CACNB2: variants seen among roughly 807,000 people sequenced by gnomAD.
CACNB2 encodes the protein voltage-dependent L-type calcium channel subunit beta-2.
A neutral mutation model predicts 73.3 loss-of-function variants in CACNB2; 42 were observed. The ratio of observed to expected loss-of-function variants is 0.57; its 90% CI spans 0.45 to 0.74. CACNB2 has a LOEUF of 0.74. CACNB2 is among the 30% of genes least tolerant of loss of function. The probability of loss-of-function intolerance (pLI) is 0.00; values close to 1 mark genes in which losing one functional copy is unlikely to be tolerated. For synonymous variants in CACNB2, 348 were observed against 310.3 expected, an observed-to-expected ratio of 1.12 and a Z score of -1.28; for missense variants, 940 against 853.0, an observed-to-expected ratio of 1.10 and a Z score of -1.27.
intron 2 of CACNB2, among the ~76,000 whole-genome samples, chr10:18,327,559 G>GGATTA (rs1326775933): frequency 6.6e-6 from 1 of 152,056 alleles, no homozygotes; most frequent in Admixed American, 6.6e-5. Context: ...TGAGTAGGTG[G>GGATTA]GATTACAGGC....
chr10:18,342,147 A>G (rs889932286), intron 2 of CACNB2, among the ~76,000 whole-genome samples: 7 of 152,198 alleles, frequency 4.6e-5, no homozygotes, highest in African/African-American at 1.7e-4. Flanking sequence ...TTTTAAGAAT[A>G]TTATCAAACA....
intron 2 of CACNB2, among the ~76,000 whole-genome samples, chr10:18,276,194 G>A (rs2131671538): frequency 6.6e-6 from 1 of 152,266 alleles, no homozygotes; most frequent in East Asian, 1.9e-4. Context: ...ACAATTTCAC[G>A]ATAAATTAAA....
intron 2 of CACNB2, among the ~76,000 whole-genome samples, chr10:18,265,562 A>G (rs1305456236): frequency 6.6e-6 from 1 of 152,230 alleles, no homozygotes; most frequent in Admixed American, 6.5e-5. Flanking sequence ...GATTAGCATA[A>G]CAAAATCATT....
chr10:18,519,024 C>T (rs1589648428), intron 9 of CACNB2, 56 bp downstream of exon 9: 1 of 1,460,556 alleles, frequency 6.8e-7, no homozygotes, highest in East Asian at 2.3e-5. Context: ...TGGCAAAACG[C>T]TGGTGGGACA....
intron 2 of CACNB2, among the ~76,000 whole-genome samples, chr10:18,321,475 A>T (rs1305567718): frequency 6.6e-6 from 1 of 152,194 alleles, no homozygotes; most frequent in African/African-American, 2.4e-5. Flanking sequence ...TTGACAGCAC[A>T]ATAGGGTGAC....
intron 2 of CACNB2, among the ~76,000 whole-genome samples, chr10:18,154,911 C>T (rs1472858846): frequency 6.6e-6 from 1 of 152,210 alleles, no homozygotes; most frequent in Admixed American, 6.5e-5. Flanking sequence ...ACACCTTGAC[C>T]TTGGGCTTTT....
In CACNB2 at chr10:18,217,469, G is replaced by A. The variant is rs139217589; in HGVS notation, c.213+66494G>A. On this transcript the variant is annotated intron_variant, in intron 2 of 13. Transcript: ENST00000324631. The stretch of plus-strand genomic sequence containing the variant: ...GCTGTACTCCAGCCTGGGCGACAGA[G>A]TGAGACTCCATCTCAAAATAAAGAA... 4.0e-3 allele frequency among the ~76,000 whole-genome samples: 610 copies of A among 152,152 alleles called. 4 individuals are homozygous for A. The highest frequency in any genetic ancestry group is 0.014 in the African/African-American group (588 of 41,510).
intron 2 of CACNB2, among the ~76,000 whole-genome samples, chr10:18,394,602 G>T (rs575676170): frequency 2.6e-5 from 4 of 152,080 alleles, no homozygotes; most frequent in Non-Finnish European, 5.9e-5. Context: ...CTTGCATTTG[G>T]CTATGCAATG....
chr10:18,461,717 C>T lies in CACNB2; in HGVS notation c.334-36638C>T, dbSNP rs143112293. Among the ~76,000 whole-genome samples the T allele has an allele frequency of 2.8e-3, 429 of 151,850 alleles. 1 individual carries two copies. The highest frequency in any genetic ancestry group is 4.7e-3 in the Non-Finnish European group (319 of 67,946). ...TGCCACCCACTCACCCACTGCTCAC[C>T]GCCCCCAGCTGTGCAGGAGACCCCT... On this transcript the variant is annotated intron_variant, in intron 3 of 13. Transcript: ENST00000324631.
intron 2 of CACNB2, among the ~76,000 whole-genome samples, chr10:18,264,111 A>G (rs142713660): frequency 2.3e-4 from 35 of 152,340 alleles, no homozygotes; most frequent in Non-Finnish European, 4.1e-4. Context: ...ACACTTCTCA[A>G]GTATTGACAT....
intron 2 of CACNB2, among the ~76,000 whole-genome samples, chr10:18,374,517 C>A (rs7085825): frequency 0.25 from 37,622 of 152,100 alleles, 5,187 homozygotes; most frequent in East Asian, 0.65. Flanking sequence ...AGCTTGAGCC[C>A]AGAAGTTTAA....
Position 18,141,191 on chromosome 10 carries a change from G to T in CACNB2, c.120+335G>T, listed in dbSNP as rs764325624. The T allele has an allele frequency of 2.5e-5, 36 of 1,466,832 alleles. No individual in the cohort carries two copies. The South Asian group carries it at 3.7e-4, about 15-fold the overall frequency. 90.9% of individuals were successfully genotyped at this position (1,466,832 alleles called of 1,614,324 possible). ...GCACATGGAGAGACATGAATCAGGG[G>T]AGTGGACTGGACCTGCTGAAGATCG... On this transcript the variant is annotated intron_variant, in intron 1 of 13. Coordinates refer to ENST00000324631, the MANE Select transcript of CACNB2 (RefSeq NM_201596.3).
chr10:18,532,706 A>AAAAAAAAAAAAC (rs1564663766), intron 10 of CACNB2, among the ~76,000 whole-genome samples: 4 of 64,768 alleles, frequency 6.2e-5, no homozygotes, highest in African/African-American at 1.6e-4. Context: ...ACAAAACAAA[A>AAAAAAAAAAAAC]AAACAAACAA....
At chr10:18,343,900 T>A (rs2041337245) in intron 2 of CACNB2, among the ~76,000 whole-genome samples, 1 of 152,154 alleles carries the variant, frequency 6.6e-6, no homozygotes, top group African/African-American at 2.4e-5. Flanking sequence ...CTGCCAATTA[T>A]CAAAGTGGTC....
At chr10:18,283,910 A>G (rs1380812041) in intron 2 of CACNB2, among the ~76,000 whole-genome samples, 1 of 152,194 alleles carries the variant, frequency 6.6e-6, no homozygotes, top group African/African-American at 2.4e-5. Flanking sequence ...TTAATATGCA[A>G]AGAAGATTGA....
intron 2 of CACNB2, among the ~76,000 whole-genome samples, chr10:18,153,381 A>G (rs868479577): frequency 6.6e-6 from 1 of 152,080 alleles, no homozygotes; most frequent in Non-Finnish European, 1.5e-5. Flanking sequence ...ATTCTGAGTT[A>G]AAAGTTGTAT....
intron 3 of CACNB2, among the ~76,000 whole-genome samples, chr10:18,456,322 G>A (rs942674404): frequency 2.0e-5 from 3 of 152,078 alleles, no homozygotes; most frequent in Non-Finnish European, 4.4e-5. Flanking sequence ...AATTAGCCAG[G>A]TGTGGTGGTA....
chr10:18,441,033 G>A (rs1452461982), intron 3 of CACNB2, among the ~76,000 whole-genome samples: 1 of 152,206 alleles, frequency 6.6e-6, no homozygotes, highest in Non-Finnish European at 1.5e-5. Flanking sequence ...ATGGGATTGG[G>A]AACCAGTGTG....
chr10:18,404,764 G>A (rs191292963), intron 3 of CACNB2, among the ~76,000 whole-genome samples: 3 of 152,294 alleles, frequency 2.0e-5, no homozygotes, highest in Admixed American at 1.3e-4. Context: ...AGTGAGACTA[G>A]AGATACTGTC....
Sources: gnomAD v4.1 joint callset for allele counts (sites outside exome capture counted in the v4.1 genomes callset) on GRCh38, gnomAD v4.1.1 for gene constraint, MANE v1.5 for transcripts, NCBI Gene and HGNC (gene_info 2026-07-23, HGNC 2026-07-21) for gene names.